Variants in SUMF1 observed in about 807,000 individuals in gnomAD.
SUMF1 encodes formylglycine-generating enzyme.
SUMF1 carries 48 observed loss-of-function variants against 47.6 expected under a neutral mutation model. The ratio of observed to expected loss-of-function variants is 1.01; its 90% CI spans 0.80 to 1.28. The LOEUF (loss-of-function observed/expected upper bound fraction) is 1.28, where lower values mean the gene tolerates loss of function less well. SUMF1 is among the 50% of genes most tolerant of loss of function. The pLI, the probability that SUMF1 is intolerant of heterozygous loss-of-function variation, is 0.00. For missense variants in SUMF1, 571 were observed against 485.4 expected, an observed-to-expected ratio of 1.18 and a Z score of -1.66; for synonymous variants, 230 against 192.1, an observed-to-expected ratio of 1.20 and a Z score of -1.63.
intron 8 of SUMF1, among the ~76,000 whole-genome samples, chr3:4,242,364 G>C (rs911643277): frequency 6.6e-6 from 1 of 152,164 alleles, no homozygotes; most frequent in African/African-American, 2.4e-5. Context: ...AGTTTTCAGA[G>C]GGAATGCTTC....
At chr3:4,070,928 G>C (rs531644740) in intron 8 of SUMF1, among the ~76,000 whole-genome samples, 1 of 152,086 alleles carries the variant, frequency 6.6e-6, no homozygotes, top group Non-Finnish European at 1.5e-5. Context: ...ACCGTGCCTG[G>C]CCTCCTTTCA....
chr3:4,310,850 TAAAAGTTTAACATG>T (rs1698377830), intron 8 of SUMF1, among the ~76,000 whole-genome samples: 1 of 152,168 alleles, frequency 6.6e-6, no homozygotes, highest in Non-Finnish European at 1.5e-5. Context: ...CAAATCAACT[TAAAAGTTTAACATG>T]AAAAGTTTAA....
In SUMF1 at chr3:4,467,196, C is replaced by T. The variant is rs752608083; in HGVS notation, c.50G>A (p.Gly17Asp). The change falls in exon 1 of 9, where the codon GGT becomes GAT. Residue 17 changes from glycine to aspartate, a missense_variant. Transcript: ENST00000272902. ...GLVCGRCPELGLVLLLLLLSL... is the reference protein window; with the variant it reads ...GLVCGRCPELDLVLLLLLLSL... Reference sequence around the variant, plus strand: ...GAGCAGCAGCAGCAAGAGGACGAGACCCAGCTCAGGGCAACGTCCACACAC... The same window carrying T: ...GAGCAGCAGCAGCAAGAGGACGAGATCCAGCTCAGGGCAACGTCCACACAC... 14 of 1,611,166 alleles carry T rather than the reference C, an allele frequency of 8.7e-6. No individual in the cohort carries two copies. Among genetic ancestry groups the T allele is most frequent in the Non-Finnish European group, 1.2e-5 (14 of 1,179,216 alleles).
At chr3:4,265,020 C>A (rs1393549881) in intron 8 of SUMF1, among the ~76,000 whole-genome samples, 7 of 151,762 alleles carry the variant, frequency 4.6e-5, no homozygotes, top group Non-Finnish European at 8.8e-5. Flanking sequence ...GTAATCCCAG[C>A]TGCTCAGGAG....
At chr3:4,254,744 G>A in intron 8 of SUMF1, among the ~76,000 whole-genome samples, 1 of 148,964 alleles carries the variant, frequency 6.7e-6, no homozygotes. Context: ...CCAACGTTCA[G>A]ATTCAGGAAA....
chr3:4,151,556 TACACACACACACAC>T (rs35911373), intron 8 of SUMF1, among the ~76,000 whole-genome samples: 12 of 137,276 alleles, frequency 8.7e-5, no homozygotes, highest in Non-Finnish European at 1.4e-4. Context: ...TGTGTGTATA[TACACACACACACAC>T]ACACACACAC....
At chr3:4,425,900 G>C (rs1198930898) in intron 3 of SUMF1, among the ~76,000 whole-genome samples, 2 of 152,326 alleles carry the variant, frequency 1.3e-5, no homozygotes, top group East Asian at 3.9e-4. Context: ...AAGAGGGCAA[G>C]AGAGCATGTG....
At chr3:4,086,763 C>T (rs773336826) in intron 8 of SUMF1, among the ~76,000 whole-genome samples, 9 of 151,974 alleles carry the variant, frequency 5.9e-5, no homozygotes, top group Non-Finnish European at 1.2e-4. Context: ...ATCATGAGGG[C>T]GGTTTCCCCC....
intron 8 of SUMF1, among the ~76,000 whole-genome samples, chr3:4,121,439 A>C (rs1257911211): frequency 6.6e-6 from 1 of 152,136 alleles, no homozygotes; most frequent in East Asian, 1.9e-4. Flanking sequence ...GTTTTTAGCA[A>C]GGCTACCAAT....
At chr3:4,232,790 G>A (rs932547382) in intron 8 of SUMF1, among the ~76,000 whole-genome samples, 2 of 151,930 alleles carry the variant, frequency 1.3e-5, no homozygotes, top group East Asian at 1.9e-4. Context: ...TTAGATGTCC[G>A]TAGCTGTTGT....
intron 8 of SUMF1, among the ~76,000 whole-genome samples, chr3:4,209,108 T>C (rs1410225137): frequency 6.6e-6 from 1 of 152,178 alleles, no homozygotes; most frequent in Non-Finnish European, 1.5e-5. Context: ...TTAAAACATC[T>C]AGACCTGGCC....
chr3:4,305,286 A>G (rs1437678812), intron 8 of SUMF1, among the ~76,000 whole-genome samples: 1 of 152,062 alleles, frequency 6.6e-6, no homozygotes, highest in Non-Finnish European at 1.5e-5. Context: ...GGGTTTTACC[A>G]TGTTGCCCAG....
chr3:4,222,423 G>T (rs570822017), intron 8 of SUMF1, among the ~76,000 whole-genome samples: 2 of 152,012 alleles, frequency 1.3e-5, no homozygotes, highest in African/African-American at 4.8e-5. Context: ...GGTACCAGAT[G>T]TTTGAGTTCT....
At chr3:4,215,199 C>T (rs554653590) in intron 8 of SUMF1, among the ~76,000 whole-genome samples, 44 of 152,134 alleles carry the variant, frequency 2.9e-4, no homozygotes, top group Non-Finnish European at 5.7e-4. Flanking sequence ...TTATCCACCA[C>T]GATCAAGTCG....
chr3:4,106,572 C>G (rs950843599), intron 8 of SUMF1, among the ~76,000 whole-genome samples: 2 of 151,984 alleles, frequency 1.3e-5, no homozygotes, highest in African/African-American at 2.4e-5. Flanking sequence ...ATCATCTTTT[C>G]CAACGTAAAC....
intron 8 of SUMF1, among the ~76,000 whole-genome samples, chr3:4,084,575 A>G (rs622430): frequency 0.36 from 54,775 of 151,918 alleles, 10,352 homozygotes; most frequent in Admixed American, 0.46. Flanking sequence ...GCAAGGAGCT[A>G]AAGTAGACAG....
Position 4,277,154 on chromosome 3 carries a change from C to T in SUMF1, c.1014+99176G>A, listed in dbSNP as rs150808138. On this transcript the variant is annotated intron_variant and NMD_transcript_variant, in intron 8 of 12. Transcript: ENST00000448413. Reference sequence around the variant, plus strand: ...TCCCCCAATCCCTAAACAAACTGAACGTCTGTATTTTTATCAAGTTCATCA... The same window carrying T: ...TCCCCCAATCCCTAAACAAACTGAATGTCTGTATTTTTATCAAGTTCATCA... Among the ~76,000 whole-genome samples the T allele has an allele frequency of 1.0e-3, 154 of 152,168 alleles. 1 individual carries two copies. In the East Asian group the frequency reaches 0.012, roughly 12 times the overall value.
At chr3:4,424,851 C>T (rs1346195207) in intron 3 of SUMF1, among the ~76,000 whole-genome samples, 1 of 152,196 alleles carries the variant, frequency 6.6e-6, no homozygotes. Context: ...TACTATTAGA[C>T]ATTTTTAGAA....
chr3:4,405,232 C>A (rs1306023883), intron 7 of SUMF1, among the ~76,000 whole-genome samples: 8 of 152,178 alleles, frequency 5.3e-5, no homozygotes, highest in Non-Finnish European at 1.5e-5. Flanking sequence ...CATGAGTATA[C>A]ATGCTAATCT....
Sources: allele counts gnomAD v4.1 joint callset (sites outside exome capture counted in the v4.1 genomes callset), GRCh38; gene constraint gnomAD v4.1.1; transcripts MANE v1.5; gene names NCBI Gene and HGNC (gene_info 2026-07-23, HGNC 2026-07-21).